The following SGCZ variants were observed in gnomAD, a reference collection of about 807,000 sequenced individuals.
SGCZ encodes zeta-sarcoglycan.
Under a neutral mutation model 41.3 loss-of-function variants are expected in SGCZ, and 40 were observed. The observed-to-expected ratio is 0.97, with a 90% CI of 0.75 to 1.26. The LOEUF is 1.26. Ranked by LOEUF, SGCZ falls within the 50% of genes most tolerant of loss-of-function variation. The pLI is 0.00. For missense variants in SGCZ, 552 were observed against 369.8 expected (o/e 1.49, Z -4.04); for synonymous variants, 206 against 137.5 (o/e 1.50, Z -3.49).
At chr8:14,799,242 C>T (rs551781721) in intron 1 of SGCZ, among the ~76,000 whole-genome samples, 4 of 152,086 alleles carry the variant, frequency 2.6e-5, no homozygotes, top group African/African-American at 9.7e-5. Flanking sequence ...TATTTGAGGA[C>T]TTAACGAGAT....
intron 2 of SGCZ, among the ~76,000 whole-genome samples, chr8:14,511,563 A>T (rs945348970): frequency 6.6e-6 from 1 of 152,102 alleles, no homozygotes; most frequent in African/African-American, 2.4e-5. Flanking sequence ...AACAAAATAG[A>T]GATCTTATAA....
chr8:15,205,940 A>G (rs905710309), intron 1 of SGCZ, among the ~76,000 whole-genome samples: 7 of 152,236 alleles, frequency 4.6e-5, no homozygotes, highest in African/African-American at 1.4e-4. Context: ...TTGTGGGAAC[A>G]TGGGTGAAGC....
chr8:15,182,659 G>A (rs1369179068), intron 1 of SGCZ, among the ~76,000 whole-genome samples: 2 of 152,158 alleles, frequency 1.3e-5, no homozygotes, highest in African/African-American at 4.8e-5. Context: ...GTCTCAGTGA[G>A]TGGTGAGTGA....
intron 1 of SGCZ, among the ~76,000 whole-genome samples, chr8:14,564,356 G>A (rs1239839961): frequency 6.6e-6 from 1 of 152,072 alleles, no homozygotes; most frequent in South Asian, 2.1e-4. Context: ...GTCATCTGTT[G>A]TTTATTCAGG....
At chr8:15,046,194 T>A (rs1804295552) in intron 1 of SGCZ, among the ~76,000 whole-genome samples, 1 of 152,034 alleles carries the variant, frequency 6.6e-6, no homozygotes, top group Non-Finnish European at 1.5e-5. Flanking sequence ...TACTTTCCAA[T>A]TAAAGCCTAA....
chr8:14,731,704 T>A (rs1405402347), intron 1 of SGCZ, among the ~76,000 whole-genome samples: 1 of 152,232 alleles, frequency 6.6e-6, no homozygotes, highest in Non-Finnish European at 1.5e-5. Flanking sequence ...TATGACACAT[T>A]TTGTAAAGAT....
intron 1 of SGCZ, among the ~76,000 whole-genome samples, chr8:14,680,904 G>A (rs957518222): frequency 1.7e-5 from 2 of 119,584 alleles, no homozygotes; most frequent in Non-Finnish European, 1.7e-5. Flanking sequence ...AAACATTAGT[G>A]AACTTGAAAA....
chr8:14,092,646 G>A (rs987000347), intron 7 of SGCZ, among the ~76,000 whole-genome samples: 3 of 151,996 alleles, frequency 2.0e-5, no homozygotes, highest in Admixed American at 6.6e-5. Flanking sequence ...AGATCTGATG[G>A]TTTTATAAGG....
chr8:14,640,463 G>T (rs185675349), intron 1 of SGCZ, among the ~76,000 whole-genome samples: 12 of 151,756 alleles, frequency 7.9e-5, no homozygotes, highest in African/African-American at 2.7e-4. Flanking sequence ...TGCTGCATTT[G>T]CTCTTTGAAG....
chr8:14,630,316 G>C (rs921291032), intron 1 of SGCZ, among the ~76,000 whole-genome samples: 1 of 151,828 alleles, frequency 6.6e-6, no homozygotes, highest in Non-Finnish European at 1.5e-5. Context: ...CTAGTGGGCT[G>C]TTCTAAGAGA....
intron 1 of SGCZ, among the ~76,000 whole-genome samples, chr8:14,886,764 T>A (rs1804822667): frequency 6.6e-6 from 1 of 152,146 alleles, no homozygotes; most frequent in African/African-American, 2.4e-5. Flanking sequence ...TTTAAGGTTT[T>A]AAAAGAGTAG....
rs548140391 is a variant in SGCZ, at chr8:14,730,927, G to A, written c.40-176001C>T. Reference sequence around the variant, plus strand: ...TGTGGAGAAAGAGGAACAATTTTACGCTGTTGGCAGGAGTGTAAATTAGTT... The same window carrying A: ...TGTGGAGAAAGAGGAACAATTTTACACTGTTGGCAGGAGTGTAAATTAGTT... On this transcript the variant is annotated intron_variant, in intron 1 of 7. Coordinates refer to ENST00000382080, the MANE Select transcript of SGCZ (RefSeq NM_139167.4). Among the ~76,000 whole-genome samples, 77 of 151,876 alleles carry A rather than the reference G, an allele frequency of 5.1e-4. No individual in the cohort carries two copies. In the South Asian group the frequency reaches 0.014, roughly 27 times the overall value.
rs200512289 is a variant in SGCZ at position 14,213,471 on chromosome 8, A to G, written c.424+24121T>C. On this transcript the variant is annotated intron_variant, in intron 4 of 7. Transcript: ENST00000382080. ...TGGTAAAACTATCCTTCAGGAACTA[A>G]AGGAAAATAAACACCTTCTTATACA... Among the ~76,000 whole-genome samples, 4 of 152,140 alleles carry G rather than the reference A, an allele frequency of 2.6e-5. No individual in the cohort carries two copies. The East Asian group carries it at 7.7e-4, about 29-fold the overall frequency.
chr8:14,471,890 G>A (rs1801222618), intron 2 of SGCZ, among the ~76,000 whole-genome samples: 2 of 152,000 alleles, frequency 1.3e-5, no homozygotes, highest in South Asian at 4.1e-4. Context: ...TCGTATCTAT[G>A]TCAAAGAAAT....
At chr8:15,053,165 C>G (rs1482837858) in intron 1 of SGCZ, among the ~76,000 whole-genome samples, 1 of 152,154 alleles carries the variant, frequency 6.6e-6, no homozygotes, top group Non-Finnish European at 1.5e-5. Context: ...TTTGATTTCA[C>G]AGCAAATCTT....
chr8:15,071,369 C>A (rs2898407), intron 1 of SGCZ, among the ~76,000 whole-genome samples: 135,868 of 152,136 alleles, frequency 0.89, 60,849 homozygotes, highest in Admixed American at 0.92. Flanking sequence ...TTAATAATAA[C>A]TCATAAGAAA....
In SGCZ at chr8:14,576,316, G is replaced by T. The variant is rs76525052; in HGVS notation, c.40-21390C>A. On this transcript the variant is annotated intron_variant, in intron 1 of 7. Transcript: ENST00000382080. ...ATGTCATTTATCATTGCTTCACAAT[G>T]AAAGTCTATCCTGAAGTGAGCCCTC... Among the ~76,000 whole-genome samples, 1,095 of 152,270 alleles carry T rather than the reference G, an allele frequency of 7.2e-3. 11 individuals are homozygous for T. The highest frequency in any genetic ancestry group is 0.025 in the African/African-American group (1,042 of 41,546).
intron 2 of SGCZ, among the ~76,000 whole-genome samples, chr8:14,417,647 AC>A (rs1799530821): frequency 6.6e-6 from 1 of 151,902 alleles, no homozygotes; most frequent in African/African-American, 2.4e-5. Flanking sequence ...AAATAACGAT[AC>A]AGCATGATGA....
chr8:14,174,078 A>T (rs2117006666), intron 4 of SGCZ, among the ~76,000 whole-genome samples: 1 of 152,258 alleles, frequency 6.6e-6, no homozygotes, highest in East Asian at 1.9e-4. Flanking sequence ...AAAGTAAAAC[A>T]AAATATATAG....
Sources: gnomAD v4.1 joint callset for allele counts (sites outside exome capture counted in the v4.1 genomes callset) on GRCh38, gnomAD v4.1.1 for gene constraint, MANE v1.5 for transcripts, NCBI Gene and HGNC (gene_info 2026-07-23, HGNC 2026-07-21) for gene names.